The following PDE4B variants were observed in gnomAD, a reference collection of about 807,000 sequenced individuals.
PDE4B encodes the protein 3',5'-cyclic-AMP phosphodiesterase 4B.
In PDE4B, 20 loss-of-function variants were observed where a neutral mutation model predicts 82.2. The observed-to-expected ratio is 0.24, with a 90% CI of 0.17 to 0.35. PDE4B has a LOEUF of 0.35. Ranked by LOEUF, PDE4B falls within the 10% of genes least tolerant of loss-of-function variation. The probability of loss-of-function intolerance (pLI) is 1.00; values close to 1 mark genes in which losing one functional copy is unlikely to be tolerated. For synonymous variants in PDE4B, 320 were observed against 318.9 expected, an observed-to-expected ratio of 1.00 and a Z score of -0.04; for missense variants, 655 against 907.2, an observed-to-expected ratio of 0.72 and a Z score of 3.57.
chr1:66,109,042 G>T (rs1047678530), intron 3 of PDE4B, among the ~76,000 whole-genome samples: 3 of 151,890 alleles, frequency 2.0e-5, no homozygotes, highest in Non-Finnish European at 4.4e-5. Context: ...GATAAAGTCT[G>T]CATTAACTGA....
chr1:66,044,006 A>G (rs1654541017), intron 3 of PDE4B, among the ~76,000 whole-genome samples: 1 of 151,700 alleles, frequency 6.6e-6, no homozygotes, highest in Non-Finnish European at 1.5e-5. Context: ...TTGAGAATCA[A>G]TGAAGGTCTG....
chr1:66,164,471 G>A (rs986154226), intron 3 of PDE4B, among the ~76,000 whole-genome samples: 1 of 133,990 alleles, frequency 7.5e-6, no homozygotes, highest in African/African-American at 2.7e-5. Flanking sequence ...GGGTGGCTGA[G>A]GTTGCAGTGA....
chr1:66,254,671 T>A (rs1362256150), intron 4 of PDE4B, among the ~76,000 whole-genome samples: 1 of 152,200 alleles, frequency 6.6e-6, no homozygotes, highest in Admixed American at 6.5e-5. Flanking sequence ...GGGAAACTCC[T>A]CATTTCCTTA....
At chr1:65,937,525 C>A (rs1460562828) in intron 3 of PDE4B, among the ~76,000 whole-genome samples, 3 of 152,188 alleles carry the variant, frequency 2.0e-5, no homozygotes, top group African/African-American at 7.2e-5. Flanking sequence ...AGGGATTCAA[C>A]AAAAGCTGGT....
At chr1:65,911,678 G>A (rs1647093342) in intron 1 of PDE4B, among the ~76,000 whole-genome samples, 1 of 152,116 alleles carries the variant, frequency 6.6e-6, no homozygotes, top group African/African-American at 2.4e-5. Context: ...CAGCATTAGA[G>A]GGGCATCGTA....
intron 3 of PDE4B, among the ~76,000 whole-genome samples, chr1:66,109,926 C>T (rs919178298): frequency 6.6e-5 from 10 of 151,880 alleles, no homozygotes; most frequent in Non-Finnish European, 1.5e-4. Context: ...CTTAAAATGA[C>T]CCATAGGTGA....
At chr1:66,169,171 C>T (rs1231243647) in intron 3 of PDE4B, among the ~76,000 whole-genome samples, 1 of 152,154 alleles carries the variant, frequency 6.6e-6, no homozygotes, top group African/African-American at 2.4e-5. Context: ...TGTTGAATGC[C>T]TTTGGAGTAT....
intron 7 of PDE4B, among the ~76,000 whole-genome samples, chr1:66,299,641 G>A (rs921026964): frequency 3.3e-5 from 5 of 152,134 alleles, no homozygotes; most frequent in Admixed American, 1.3e-4. Context: ...CCTCCATACC[G>A]TTTTCCATAA....
chr1:66,045,448 C>G lies in PDE4B; in HGVS notation c.281+126613C>G, dbSNP rs145011745. 2.6e-5 allele frequency among the ~76,000 whole-genome samples: 4 copies of G among 151,852 alleles called. No individual in the cohort carries two copies. The East Asian group carries it at 5.8e-4, about 22-fold the overall frequency. On this transcript the variant is annotated intron_variant, in intron 3 of 16. Coordinates refer to ENST00000341517, the MANE Select transcript of PDE4B (RefSeq NM_002600.4). Reference sequence around the variant, plus strand: ...TATAATCAAAGTCCCTAAGTTTCCTCAAATATCTCTTTCTAGCATGTCTTT... The same window carrying G: ...TATAATCAAAGTCCCTAAGTTTCCTGAAATATCTCTTTCTAGCATGTCTTT...
intron 1 of PDE4B, among the ~76,000 whole-genome samples, chr1:65,839,794 A>C (rs1570999477): frequency 6.6e-6 from 1 of 152,182 alleles, no homozygotes; most frequent in South Asian, 2.1e-4. Context: ...CCCAGTAATG[A>C]GATTTCTGGG....
intron 3 of PDE4B, among the ~76,000 whole-genome samples, chr1:66,156,808 T>C (rs902405420): frequency 9.9e-5 from 15 of 152,206 alleles, no homozygotes; most frequent in Non-Finnish European, 1.8e-4. Flanking sequence ...AACACTCTTC[T>C]TCACTTGGCT....
At chr1:66,340,841 G>C (rs1025816211) in intron 8 of PDE4B, among the ~76,000 whole-genome samples, 1 of 152,058 alleles carries the variant, frequency 6.6e-6, no homozygotes, top group Non-Finnish European at 1.5e-5. Flanking sequence ...ATAGTAAAAA[G>C]AAAAATTATC....
intron 7 of PDE4B, among the ~76,000 whole-genome samples, chr1:66,269,013 T>A (rs1655268011): frequency 6.6e-6 from 1 of 152,212 alleles, no homozygotes. Flanking sequence ...ACACAGTAAG[T>A]GTTGAATTGA....
intron 3 of PDE4B, among the ~76,000 whole-genome samples, chr1:66,242,890 C>G (rs1432972539): frequency 6.6e-6 from 1 of 152,198 alleles, no homozygotes; most frequent in African/African-American, 2.4e-5. Flanking sequence ...TCACGTGTCA[C>G]CAGCTCAGGG....
At chr1:66,203,334 G>A (rs904033170) in intron 3 of PDE4B, among the ~76,000 whole-genome samples, 1 of 152,008 alleles carries the variant, frequency 6.6e-6, no homozygotes, top group African/African-American at 2.4e-5. Flanking sequence ...TCTTGGAGTT[G>A]CTCTTCTCGA....
rs149007898 is a variant in PDE4B at position 65,921,951 on chromosome 1, G to A, written c.281+3116G>A. Among the ~76,000 whole-genome samples, 853 of 152,234 alleles carry A rather than the reference G, an allele frequency of 5.6e-3. 15 individuals are homozygous for A. In the South Asian group the frequency reaches 0.058, roughly 10 times the overall value. On this transcript the variant is annotated intron_variant, in intron 3 of 16. Transcript: ENST00000341517. ...AAAGACAGTGAAATAATTTGAATCCGTTCTAATGAAAAGTACTGCCTAATT... is the reference window on the plus strand; with the variant it reads ...AAAGACAGTGAAATAATTTGAATCCATTCTAATGAAAAGTACTGCCTAATT...
At chr1:65,991,161 T>A (rs1218912342) in intron 3 of PDE4B, among the ~76,000 whole-genome samples, 1 of 151,770 alleles carries the variant, frequency 6.6e-6, no homozygotes, top group Non-Finnish European at 1.5e-5. Flanking sequence ...CACTGCAACC[T>A]CCACCTGCTT....
intron 3 of PDE4B, among the ~76,000 whole-genome samples, chr1:66,244,144 A>G (rs1346794650): frequency 6.6e-6 from 1 of 152,246 alleles, no homozygotes. Flanking sequence ...GTGATACAGC[A>G]ACTGAATGAA....
At chr1:65,945,537 C>T (rs1275862540) in intron 3 of PDE4B, among the ~76,000 whole-genome samples, 1 of 151,948 alleles carries the variant, frequency 6.6e-6, no homozygotes, top group African/African-American at 2.4e-5. Context: ...CACCGAATGG[C>T]AGGTTGGTCT....
Sources: gnomAD v4.1 joint callset for allele counts (sites outside exome capture counted in the v4.1 genomes callset) on GRCh38, gnomAD v4.1.1 for gene constraint, MANE v1.5 for transcripts, NCBI Gene and HGNC (gene_info 2026-07-23, HGNC 2026-07-21) for gene names.